VEGFA: variants seen among roughly 807,000 people sequenced by gnomAD.
VEGFA encodes vascular endothelial growth factor A, long form.
A neutral mutation model predicts 49.7 loss-of-function variants in VEGFA; 20 were observed. The observed-to-expected ratio is 0.40, with a 90% CI of 0.28 to 0.58. VEGFA has a LOEUF of 0.58. VEGFA is among the 20% of genes least tolerant of loss of function. The pLI, the probability that VEGFA is intolerant of heterozygous loss-of-function variation, is 0.40. For synonymous variants in VEGFA, 219 were observed against 223.4 expected (o/e 0.98, Z 0.18); for missense variants, 505 against 553.5 (o/e 0.91, Z 0.88).
Position 43,770,712 on chromosome 6 carries a change from GGACA to G in VEGFA, c.19_22del (p.Asp7ProfsTer45), listed in dbSNP as rs756155710. On this transcript the variant is annotated frameshift_variant, in exon 1 of 8. Transcript: ENST00000672860. LOFTEE classifies it high-confidence loss of function. The stretch of plus-strand genomic sequence containing the variant: ...CCCGCAGCTGACCAGTCGCGCTGAC[GGACA>G]GACAGACAGACACCGCCCCCAGCCC... 4.6e-5 allele frequency: 72 copies of G among 1,550,474 alleles called. No individual in the cohort carries two copies. The highest frequency in any genetic ancestry group is 7.6e-5 in the Admixed American group (4 of 52,392).
chr6:43,772,454 G>C (rs896542950), intron 1 of VEGFA, among the ~76,000 whole-genome samples: 2 of 152,148 alleles, frequency 1.3e-5, no homozygotes, highest in African/African-American at 4.8e-5. Context: ...TTTAGCTCTC[G>C]TGGGGGTGGG....
At chr6:43,780,937 TCTCTCTCA>T (rs1356140275) in intron 6 of VEGFA, 134 bp downstream of exon 6, 8 of 1,598,522 alleles carry the variant, frequency 5.0e-6, no homozygotes, top group African/African-American at 2.7e-5. Flanking sequence ...GGCCCGTGTC[TCTCTCTCA>T]CTCTCTCACT....
chr6:43,777,474 A>G lies in VEGFA; in HGVS notation c.664A>G (p.Lys222Glu), dbSNP rs1765825468. 1.2e-6 allele frequency: 2 copies of G among 1,613,810 alleles called. No individual in the cohort carries two copies. ...TGTCATCGCCTCTCATGCAGTGGTGAAGTTCATGGATGTCTATCAGCGCAG... is the reference window on the plus strand; with the variant it reads ...TGTCATCGCCTCTCATGCAGTGGTGGAGTTCATGGATGTCTATCAGCGCAG... The change falls in exon 3 of 8, where the codon AAG (lysine) becomes GAG (glutamate). Residue 222 changes from lysine (K) to glutamate (E), a missense_variant. Physicochemically the swap from Lys to Glu is moderately conservative, Grantham distance 56. Coordinates refer to ENST00000672860, the MANE Select transcript of VEGFA (RefSeq NM_003376.6). This position sits in a 1 kb window ranked among gnomAD's most constrained non-coding sequence, Gnocchi z 4.3.
At position 43,771,175 on chromosome 6, in the gene VEGFA, A is replaced by G. The variant is rs772365349; in HGVS notation, c.469A>G (p.Ser157Gly). 9.7e-5 allele frequency: 152 copies of G among 1,574,434 alleles called. No individual in the cohort carries two copies. The highest frequency in any genetic ancestry group is 1.2e-4 in the Non-Finnish European group (140 of 1,164,690). ...AGTAGCTCGCCGAGGCGCCGAGGAG[A>G]GCGGGCCGCCCCACAGCCCGAGCCG... The change falls in exon 1 of 8, where the codon AGC becomes GGC. Residue 157 changes from serine (S) to glycine (G), a missense_variant. This residue lies in a region of VEGFA where 340 missense variants were observed against 321.8 expected (regional missense o/e 1.06). Transcript: ENST00000672860.
chr6:43,779,675 C>T (rs1237083649), intron 5 of VEGFA: 1 of 468,354 alleles, frequency 2.1e-6, no homozygotes, highest in Non-Finnish European at 4.3e-6. Flanking sequence ...GGCCTCAACC[C>T]CTTGCCTCTT....
At chr6:43,778,769 G>C in intron 4 of VEGFA, 120 bp from the exon 5 acceptor site, 1 of 1,162,014 alleles carries the variant, frequency 8.6e-7, no homozygotes, top group Non-Finnish European at 1.3e-6. Flanking sequence ...GATTAAAACA[G>C]TGTTGCTCCA....
intron 5 of VEGFA, chr6:43,779,227 A>C (rs1766499925): frequency 1.9e-6 from 1 of 527,800 alleles, no homozygotes; most frequent in Non-Finnish European, 3.4e-6. Flanking sequence ...ACACTGGCTC[A>C]CTGGCTTGCT....
rs1240763998 is a variant in VEGFA, at chr6:43,771,112, C to G, written c.406C>G (p.Pro136Ala). ...AGACAGTGCTCCAGCCGCGCGCGCT[C>G]CCCAGGCCCTGGCCCGGGCCTCGGG... The change falls in exon 1 of 8, where the codon CCC (proline) becomes GCC (alanine). Residue 136 changes from proline (P) to alanine (A), a missense_variant. Transcript: ENST00000672860. The G allele has an allele frequency of 2.0e-6, 3 of 1,477,386 alleles. No individual in the cohort carries two copies. Among genetic ancestry groups the G allele is most frequent in the Non-Finnish European group, 2.7e-6 (3 of 1,119,376 alleles). The allele number at this position is 1,477,386 out of a possible 1,614,324, so 91.5% of individuals were successfully genotyped here.
At position 43,781,399 on chromosome 6, in the gene VEGFA, G is replaced by A. The variant is rs374949985; in HGVS notation, c.1035-557G>A. 9.4e-4 allele frequency: 227 copies of A among 240,450 alleles called. No homozygotes were observed. The East Asian group carries it at 0.012, about 13-fold the overall frequency. 14.9% of individuals were successfully genotyped at this position (240,450 alleles called of 1,614,324 possible). A position where few individuals can be genotyped will look rare whatever the true frequency, so the allele number is the denominator to read the frequency against. On this transcript the variant is annotated intron_variant, in intron 6 of 7. Transcript: ENST00000672860. ...GGCCCAACCCATGGCACCCACAGAG[G>A]CCTCCTTGCAGGGCAGCCTCTTCCT...
At chr6:43,779,128 C>A (rs1422129349) in intron 5 of VEGFA, 3 of 646,338 alleles carry the variant, frequency 4.6e-6, no homozygotes, top group Non-Finnish European at 8.2e-6. Flanking sequence ...AGGAGCCTGG[C>A]ACTTCCTTTG....
intron 5 of VEGFA, chr6:43,779,835 T>C: frequency 2.4e-6 from 1 of 416,428 alleles, no homozygotes; most frequent in Non-Finnish European, 4.9e-6. Context: ...TGTGTTCTCT[T>C]GGGCTTGGCA....
rs772806798 is a variant in VEGFA, at chr6:43,778,442, T to C, written c.856-18T>C. Reference sequence around the variant, plus strand: ...GGCTGGGTCACTAACCTCTGTGATCTGCTTCCTTCCTTTCCAGATTATGCG... The same window carrying C: ...GGCTGGGTCACTAACCTCTGTGATCCGCTTCCTTCCTTTCCAGATTATGCG... On this transcript the variant is annotated intron_variant, in intron 3 of 7. Coordinates refer to ENST00000672860, the MANE Select transcript of VEGFA (RefSeq NM_003376.6). 6.2e-7 allele frequency: 1 copy of C among 1,613,408 alleles called. No homozygotes were observed. Among genetic ancestry groups the C allele is most frequent in the Non-Finnish European group, 8.5e-7 (1 of 1,179,470 alleles).
chr6:43,779,515 C>T lies in VEGFA; in HGVS notation c.962+597C>T, dbSNP rs78690555. On this transcript the variant is annotated intron_variant, in intron 5 of 7. Coordinates refer to ENST00000672860, the MANE Select transcript of VEGFA (RefSeq NM_003376.6). ...GGATGGGGTGGGGGACAAGGTCTGG[C>T]GGCAGTAACCCTTCAAGACAGGGTG... 8.5e-4 allele frequency: 318 copies of T among 373,370 alleles called. 6 individuals are homozygous for T. In the East Asian group the frequency reaches 0.019, roughly 22 times the overall value. The allele number at this position is 373,370 out of a possible 1,614,324, so 23.1% of individuals were successfully genotyped here. A position where few individuals can be genotyped will look rare whatever the true frequency, so the allele number is the denominator to read the frequency against.
At chr6:43,780,513 T>A in intron 5 of VEGFA, 1 of 619,062 alleles carries the variant, frequency 1.6e-6, no homozygotes, top group Non-Finnish European at 2.8e-6. Flanking sequence ...GTGGGCAGCG[T>A]GAGGAGAAGA....
intron 2 of VEGFA, chr6:43,776,470 G>T (rs1291627302): frequency 6.6e-6 from 1 of 152,254 alleles, no homozygotes; most frequent in Non-Finnish European, 1.5e-5. Flanking sequence ...ACCCCTTCAT[G>T]CTCCAGTGCA....
intron 7 of VEGFA, 47 bp downstream of exon 7, chr6:43,782,134 G>T: frequency 1.9e-6 from 3 of 1,608,686 alleles, no homozygotes; most frequent in Non-Finnish European, 8.5e-7. Flanking sequence ...ATCACACAGA[G>T]ATGGGGAGAG....
Position 43,770,245 on chromosome 6 carries a change from C to G in VEGFA, c.-462C>G. 4.1e-6 allele frequency: 1 copy of G among 245,030 alleles called. No individual in the cohort carries two copies. Among genetic ancestry groups the G allele is most frequent in the Non-Finnish European group, 7.9e-6 (1 of 126,416 alleles). 15.2% of individuals were successfully genotyped at this position (245,030 alleles called of 1,614,324 possible). A position where few individuals can be genotyped will look rare whatever the true frequency, so the allele number is the denominator to read the frequency against. ...TGGGGCAGCCGGGTAGCTCGGAGGT[C>G]GTGGCGCTGGGGGCTAGCACCAGCG... On this transcript the variant is annotated 5_prime_UTR_variant, in exon 1 of 8. Coordinates refer to ENST00000672860, the MANE Select transcript of VEGFA (RefSeq NM_003376.6).
At chr6:43,778,946 C>T in intron 5 of VEGFA, 28 bp downstream of exon 5, 2 of 1,614,182 alleles carry the variant, frequency 1.2e-6, no homozygotes, top group Non-Finnish European at 1.7e-6. Context: ...TAGCACTTCT[C>T]CCTCTCCATG....
rs776930097 is a variant in VEGFA, at chr6:43,780,689, A to G, written c.963-43A>G. On this transcript the variant is annotated intron_variant, in intron 5 of 7. Coordinates refer to ENST00000672860, the MANE Select transcript of VEGFA (RefSeq NM_003376.6). ...CCTTACCACTTCTTTTACTCCCCCC[A>G]CCGCCCCCGCTCTCTCTCTGTCTCT... 51 of 1,241,800 alleles carry G rather than the reference A, an allele frequency of 4.1e-5. No individual in the cohort carries two copies. In the South Asian group the frequency reaches 8.1e-4, roughly 20 times the overall value. 76.9% of individuals were successfully genotyped at this position (1,241,800 alleles called of 1,614,324 possible).
Sources: allele counts gnomAD v4.1 joint callset (sites outside exome capture counted in the v4.1 genomes callset), GRCh38; gene constraint gnomAD v4.1.1; regional missense constraint gnomAD v4.1.1; non-coding constraint Gnocchi (gnomAD v3.1); transcripts MANE v1.5; gene names NCBI Gene and HGNC (gene_info 2026-07-23, HGNC 2026-07-21).